Variants in OLFML1 observed in about 807,000 individuals in gnomAD.
OLFML1 encodes olfactomedin-like protein 1.
OLFML1 carries 33 observed loss-of-function variants against 37.3 expected under a neutral mutation model. That is an observed-to-expected ratio of 0.88 (90% CI 0.67 to 1.18). OLFML1 has a LOEUF of 1.18. OLFML1 is among the 50% of genes most tolerant of loss of function. The probability of loss-of-function intolerance (pLI) is 0.00; values close to 1 mark genes in which losing one functional copy is unlikely to be tolerated. For synonymous variants in OLFML1, 186 were observed against 181.3 expected (o/e 1.03, Z -0.21); for missense variants, 545 against 483.7 (o/e 1.13, Z -1.19).
intron 2 of OLFML1, among the ~76,000 whole-genome samples, chr11:7,492,474 G>C (rs949834860): frequency 5.3e-5 from 8 of 152,172 alleles, no homozygotes; most frequent in African/African-American, 7.2e-5. Flanking sequence ...TATCTCAGGA[G>C]ACTTCCAGGA....
In OLFML1 at chr11:7,509,958, C is replaced by A. The variant is rs1848839258; in HGVS notation, c.979C>A (p.Leu327Ile). 4.3e-6 allele frequency: 7 copies of A among 1,614,120 alleles called. No individual in the cohort carries two copies. Among genetic ancestry groups the A allele is most frequent in the African/African-American group, 1.3e-5 (1 of 74,928 alleles). Reference sequence around the variant, plus strand: ...AGCCTCATTCCTCTTGTGTGGGGTTCTCTATGTGGTCTACAGTACTGGGGG... The same window carrying A: ...AGCCTCATTCCTCTTGTGTGGGGTTATCTATGTGGTCTACAGTACTGGGGG... ...AEASFLLCGV[L>I]YVVYSTGGQG... Residue 327 changes from leucine to isoleucine, a missense_variant, in exon 3 of 3, where the codon CTC becomes ATC. Physicochemically the swap from Leu to Ile is conservative, Grantham distance 5 (BLOSUM62 2). Coordinates refer to ENST00000329293, the MANE Select transcript of OLFML1 (RefSeq NM_198474.4).
At chr11:7,506,801 G>A (rs1012929613) in intron 2 of OLFML1, among the ~76,000 whole-genome samples, 1 of 152,172 alleles carries the variant, frequency 6.6e-6, no homozygotes, top group Admixed American at 6.5e-5. Flanking sequence ...GGTTTAGGCT[G>A]CATAGGAAAG....
At chr11:7,509,297 G>C in intron 2 of OLFML1, 101 bp from the exon 3 acceptor site, 2 of 836,852 alleles carry the variant, frequency 2.4e-6, no homozygotes, top group Non-Finnish European at 3.8e-6. Flanking sequence ...ATCAGTATTA[G>C]ACCTGAAAGG....
chr11:7,510,083 C>T lies in OLFML1; in HGVS notation c.1104C>T (p.His368=), dbSNP rs1411143153. 3 of 1,614,228 alleles carry T rather than the reference C, an allele frequency of 1.9e-6. No individual in the cohort carries two copies. Among genetic ancestry groups the T allele is most frequent in the South Asian group, 1.1e-5 (1 of 91,088 alleles). ...TCTTCCCCAAGAGACCAAGAAGTCA[C>T]TCCATGATCCATTACAACCCCAGAG... ...NLFFPKRPRS[H]SMIHYNPRDK... The change falls in exon 3 of 3, where the codon CAC becomes CAT. Residue 368 remains histidine (H), a synonymous_variant. Coordinates refer to ENST00000329293, the MANE Select transcript of OLFML1 (RefSeq NM_198474.4).
chr11:7,495,908 T>A (rs1218375583), intron 2 of OLFML1, among the ~76,000 whole-genome samples: 1 of 152,172 alleles, frequency 6.6e-6, no homozygotes, highest in Non-Finnish European at 1.5e-5. Flanking sequence ...ACCCCAGACA[T>A]GCTAGATTCA....
chr11:7,499,745 C>G (rs1035717463), intron 2 of OLFML1, among the ~76,000 whole-genome samples: 2 of 152,174 alleles, frequency 1.3e-5, no homozygotes, highest in African/African-American at 4.8e-5. Context: ...GTTTCCCTGA[C>G]CAAAACCATA....
At chr11:7,508,205 G>A (rs193190099) in intron 2 of OLFML1, among the ~76,000 whole-genome samples, 3 of 152,278 alleles carry the variant, frequency 2.0e-5, no homozygotes, top group Non-Finnish European at 4.4e-5. Flanking sequence ...GAAAAGAAGG[G>A]GTTGGCCTTG....
At chr11:7,506,391 A>ATTT (rs1848785999) in intron 2 of OLFML1, among the ~76,000 whole-genome samples, 1 of 152,200 alleles carries the variant, frequency 6.6e-6, no homozygotes, top group Non-Finnish European at 1.5e-5. Context: ...GCGACAGGGG[A>ATTT]ACAACTAAAG....
chr11:7,505,136 G>A (rs1255037271), intron 2 of OLFML1, among the ~76,000 whole-genome samples: 1 of 147,318 alleles, frequency 6.8e-6, no homozygotes, highest in African/African-American at 2.5e-5. Flanking sequence ...GTCTCACTCT[G>A]TTGCCCAGGC....
intron 2 of OLFML1, among the ~76,000 whole-genome samples, chr11:7,501,887 T>C (rs866353955): frequency 6.6e-6 from 1 of 152,158 alleles, no homozygotes; most frequent in Non-Finnish European, 1.5e-5. Context: ...GAGTTAGGCA[T>C]TGGGACACAA....
chr11:7,488,078 G>A lies in OLFML1; in HGVS notation c.130-49G>A, dbSNP rs749988444. ...AATGATAGGTATTTATATTATTTGG[G>A]TAATTTAAATAACAAGCAATAATTT... On this transcript the variant is annotated intron_variant, in intron 1 of 2. Transcript: ENST00000329293. 25 of 1,325,366 alleles carry A rather than the reference G, an allele frequency of 1.9e-5. No homozygotes were observed. The South Asian group carries it at 2.9e-4, about 15-fold the overall frequency. The allele number at this position is 1,325,366 out of a possible 1,614,324, so 82.1% of individuals were successfully genotyped here.
Position 7,488,131 on chromosome 11 carries a change from G to A in OLFML1, c.134G>A (p.Gly45Glu). 1 of 1,599,100 alleles carries A rather than the reference G, an allele frequency of 6.3e-7. No homozygotes were observed. Among genetic ancestry groups the A allele is most frequent in the South Asian group, 1.1e-5 (1 of 89,454 alleles). ...IYQRFRVLEQ[G>E]LEKCTQATRA... ...AAATTTATTTTCTGACTGAAGCAAG[G>A]GCTGGAAAAATGTACCCAAGCAACG... is the stretch of plus-strand genomic sequence containing the variant. Residue 45 changes from glycine to glutamate, a missense_variant, in exon 2 of 3, where the codon GGG (glycine) becomes GAG (glutamate). By Grantham distance (98) the Gly-to-Glu change is moderately conservative. Coordinates refer to ENST00000329293, the MANE Select transcript of OLFML1 (RefSeq NM_198474.4).
chr11:7,510,464 T>G lies in OLFML1; in HGVS notation c.*276T>G. 1 of 346,610 alleles carries G rather than the reference T, an allele frequency of 2.9e-6. No homozygotes were observed. Among genetic ancestry groups the G allele is most frequent in the Non-Finnish European group, 5.3e-6 (1 of 189,446 alleles). The allele number at this position is 346,610 out of a possible 1,614,324, so 21.5% of individuals were successfully genotyped here. A position where few individuals can be genotyped will look rare whatever the true frequency, so the allele number is the denominator to read the frequency against. On this transcript the variant is annotated 3_prime_UTR_variant, in exon 3 of 3. Coordinates refer to ENST00000329293, the MANE Select transcript of OLFML1 (RefSeq NM_198474.4). ...TGACCACATTCTGATACAGCCTACTTCAAGCCTTTTGTTTTACTGCTCCCC... is the reference window on the plus strand; with the variant it reads ...TGACCACATTCTGATACAGCCTACTGCAAGCCTTTTGTTTTACTGCTCCCC...
At chr11:7,500,826 G>C (rs1297281854) in intron 2 of OLFML1, among the ~76,000 whole-genome samples, 1 of 151,532 alleles carries the variant, frequency 6.6e-6, no homozygotes, top group South Asian at 2.1e-4. Context: ...GTTGAGGCCA[G>C]GAGTTTGAGA....
chr11:7,500,625 T>TA (rs1266379655), intron 2 of OLFML1, among the ~76,000 whole-genome samples: 1 of 152,156 alleles, frequency 6.6e-6, no homozygotes, highest in African/African-American at 2.4e-5. Flanking sequence ...CTTAAACTTA[T>TA]TATGAGTTCT....
intron 1 of OLFML1, among the ~76,000 whole-genome samples, chr11:7,487,602 TA>T (rs1201096841): frequency 6.6e-6 from 1 of 152,228 alleles, no homozygotes; most frequent in Non-Finnish European, 1.5e-5. Context: ...TCTGGAAATC[TA>T]CCTTAAAATA....
intron 2 of OLFML1, among the ~76,000 whole-genome samples, chr11:7,489,392 C>T (rs1564919128): frequency 6.6e-6 from 1 of 152,002 alleles, no homozygotes. Context: ...TACTGTAGCA[C>T]CTTGACATGT....
intron 2 of OLFML1, among the ~76,000 whole-genome samples, chr11:7,505,500 C>T (rs1357139807): frequency 6.6e-6 from 1 of 152,180 alleles, no homozygotes; most frequent in African/African-American, 2.4e-5. Context: ...CACTACTCAT[C>T]TCACAACGGA....
At chr11:7,508,231 C>A in intron 2 of OLFML1, among the ~76,000 whole-genome samples, 1 of 152,146 alleles carries the variant, frequency 6.6e-6, no homozygotes, top group East Asian at 1.9e-4. Flanking sequence ...TCAGGGGTGG[C>A]AGAGGCAGAA....
Sources: allele counts gnomAD v4.1 joint callset (sites outside exome capture counted in the v4.1 genomes callset), GRCh38; gene constraint gnomAD v4.1.1; transcripts MANE v1.5; gene names NCBI Gene and HGNC (gene_info 2026-07-23, HGNC 2026-07-21).